PAMR1: variants seen among roughly 807,000 people sequenced by gnomAD.
The protein encoded by PAMR1 is inactive serine protease PAMR1.
In PAMR1, 88 loss-of-function variants were observed where a neutral mutation model predicts 81.8. The observed-to-expected ratio is 1.08, with a 90% CI of 0.91 to 1.28. The LOEUF is 1.28. Among genes scored for constraint, PAMR1 ranks in the 50% most tolerant of loss-of-function variants. The pLI is 0.00. For missense variants in PAMR1, 935 were observed against 919.7 expected (o/e 1.02, Z -0.21); for synonymous variants, 336 against 345.3 (o/e 0.97, Z 0.30).
upstream of PAMR1, among the ~76,000 whole-genome samples, chr11:35,527,972 CG>C (rs1851418199): frequency 6.6e-6 from 1 of 152,096 alleles, no homozygotes; most frequent in South Asian, 2.1e-4. Flanking sequence ...TCCCATGACA[CG>C]TGGGGTTTCT....
At chr11:35,443,623 G>A (rs1856228015) in intron 6 of PAMR1, among the ~76,000 whole-genome samples, 1 of 152,092 alleles carries the variant, frequency 6.6e-6, no homozygotes, top group Non-Finnish European at 1.5e-5. Flanking sequence ...ATGGTCATTT[G>A]GGTTAATTCC....
intron 3 of PAMR1, among the ~76,000 whole-genome samples, chr11:35,491,428 A>C (rs150482710): frequency 6.6e-6 from 1 of 152,338 alleles, no homozygotes; most frequent in East Asian, 1.9e-4. Context: ...CAATTTGTAC[A>C]TTGCTTGAGA....
chr11:35,490,132 T>C (rs1850590623), intron 3 of PAMR1, among the ~76,000 whole-genome samples: 1 of 152,166 alleles, frequency 6.6e-6, no homozygotes, highest in African/African-American at 2.4e-5. Context: ...GAACTCCTGT[T>C]TATAAAACCA....
At chr11:35,487,384 A>T (rs1295682484) in intron 3 of PAMR1, among the ~76,000 whole-genome samples, 2 of 152,060 alleles carry the variant, frequency 1.3e-5, no homozygotes, top group African/African-American at 4.8e-5. Context: ...CCCCTCTACC[A>T]GGCTCTTTCT....
intron 6 of PAMR1, among the ~76,000 whole-genome samples, chr11:35,448,270 C>T (rs1469751374): frequency 6.6e-6 from 1 of 152,170 alleles, no homozygotes; most frequent in Non-Finnish European, 1.5e-5. Flanking sequence ...CTGTCTCTTT[C>T]AGGTACCCCA....
At chr11:35,483,878 T>C (rs2135391814) in intron 3 of PAMR1, among the ~76,000 whole-genome samples, 1 of 152,314 alleles carries the variant, frequency 6.6e-6, no homozygotes, top group African/African-American at 2.4e-5. Flanking sequence ...CTTCAGCACA[T>C]AAAATATAAA....
intron 3 of PAMR1, among the ~76,000 whole-genome samples, chr11:35,482,572 A>G (rs1271028857): frequency 1.3e-5 from 2 of 152,194 alleles, no homozygotes; most frequent in Admixed American, 6.5e-5. Context: ...AATTCTGTGA[A>G]GAATGTCAAT....
chr11:35,522,217 T>A (rs756159672), intron 1 of PAMR1, among the ~76,000 whole-genome samples: 2 of 152,214 alleles, frequency 1.3e-5, no homozygotes, highest in Non-Finnish European at 2.9e-5. Flanking sequence ...CCACTGCGCC[T>A]GCCTCAAATC....
rs760583701 is a variant in PAMR1 at position 35,441,467 on chromosome 11, C to A, written c.1033+14G>T. Reference sequence around the variant, plus strand: ...CATCAATGTCCGTAGACTTCAGAAACAATTGTAAGTTACCTTTTATGCAGA... The same window carrying A: ...CATCAATGTCCGTAGACTTCAGAAAAAATTGTAAGTTACCTTTTATGCAGA... On this transcript the variant is annotated intron_variant, in intron 7 of 10. Transcript: ENST00000619888. 3 of 1,595,044 alleles carry A rather than the reference C, an allele frequency of 1.9e-6. No homozygotes were observed. The highest frequency in any genetic ancestry group is 1.7e-5 in the Admixed American group (1 of 59,836).
At chr11:35,445,505 A>G (rs1229088899) in intron 6 of PAMR1, among the ~76,000 whole-genome samples, 2 of 152,198 alleles carry the variant, frequency 1.3e-5, no homozygotes, top group Admixed American at 6.5e-5. Context: ...ATTTTGAGGT[A>G]TGTTCCTGCT....
At position 35,491,313 on chromosome 11, in the gene PAMR1, G is replaced by T. The variant is rs115860994; in HGVS notation, c.379+732C>A. Among the ~76,000 whole-genome samples the T allele has an allele frequency of 8.0e-3, 1,216 of 152,216 alleles. 10 individuals carry two copies. The highest frequency in any genetic ancestry group is 0.028 in the African/African-American group (1,152 of 41,528). ...CAACCACACTCCATCCTCCCTCTCT[G>T]TAAACTGGAAATATCATTCATAGGA... On this transcript the variant is annotated intron_variant, in intron 3 of 10. Transcript: ENST00000619888.
intron 1 of PAMR1, among the ~76,000 whole-genome samples, chr11:35,498,786 A>G (rs1293711475): frequency 6.6e-6 from 1 of 152,130 alleles, no homozygotes; most frequent in East Asian, 1.9e-4. Flanking sequence ...GCTTCTCCCA[A>G]GGCCTCCGTC....
intron 3 of PAMR1, among the ~76,000 whole-genome samples, chr11:35,487,442 C>A (rs1850532064): frequency 6.6e-6 from 1 of 152,128 alleles, no homozygotes; most frequent in South Asian, 2.1e-4. Flanking sequence ...CATGTCTCAG[C>A]TTATTCTTGG....
At chr11:35,503,836 T>C (rs1850900234) in intron 1 of PAMR1, among the ~76,000 whole-genome samples, 2 of 152,146 alleles carry the variant, frequency 1.3e-5, no homozygotes, top group Non-Finnish European at 2.9e-5. Flanking sequence ...GACTTCTTCC[T>C]TTCCACATTG....
intron 1 of PAMR1, among the ~76,000 whole-genome samples, chr11:35,499,413 T>A (rs753335534): frequency 2.1e-4 from 32 of 152,084 alleles, no homozygotes; most frequent in South Asian, 6.2e-4. Context: ...TCCTTCTAGG[T>A]TTTCTAATAA....
intron 1 of PAMR1, among the ~76,000 whole-genome samples, chr11:35,499,246 G>A (rs1311925594): frequency 6.6e-6 from 1 of 152,032 alleles, no homozygotes; most frequent in Non-Finnish European, 1.5e-5. Flanking sequence ...TCTAGACATG[G>A]GGGTCCAGGT....
Position 35,432,749 on chromosome 11 carries a change from G to A in PAMR1, c.1770C>T (p.Ser590=). The change falls in exon 11 of 11, where the codon TCC becomes TCT. Residue 590 remains serine, a synonymous_variant. Transcript: ENST00000619888. The stretch of plus-strand genomic sequence containing the variant: ...CCACAGTGATGTGGGACTCCTGGAA[G>A]GAAGTGCTGAGATCCCGACTGGCAG... The part of the protein sequence containing the change: ...CLAASRDLST[S]FQESHITVAG... 1 of 1,614,042 alleles carries A rather than the reference G, an allele frequency of 6.2e-7. No homozygotes were observed. The highest frequency in any genetic ancestry group is 8.5e-7 in the Non-Finnish European group (1 of 1,180,036).
Position 35,470,820 on chromosome 11 carries a change from T to C in PAMR1, c.495-2A>G. The C allele has an allele frequency of 2.5e-6, 4 of 1,611,670 alleles. No individual in the cohort carries two copies. Among genetic ancestry groups the C allele is most frequent in the Non-Finnish European group, 3.4e-6 (4 of 1,177,906 alleles). On this transcript the variant is annotated splice_acceptor_variant, in intron 4 of 10. Coordinates refer to ENST00000619888, the MANE Select transcript of PAMR1 (RefSeq NM_001001991.3). LOFTEE classifies it high-confidence loss of function. ...AACTCCAGGCTCAACATGACAAATCTGTGGGTGGACAGGGTGACGGAGGGA... is the reference window on the plus strand; with the variant it reads ...AACTCCAGGCTCAACATGACAAATCCGTGGGTGGACAGGGTGACGGAGGGA...
At chr11:35,439,805 C>G in intron 7 of PAMR1, 112 bp from the exon 8 acceptor site, 1 of 846,804 alleles carries the variant, frequency 1.2e-6, no homozygotes, top group South Asian at 1.4e-5. Flanking sequence ...GCCCATTCCC[C>G]AGGCTCTCAG....
Sources: allele counts gnomAD v4.1 joint callset (sites outside exome capture counted in the v4.1 genomes callset), GRCh38; gene constraint gnomAD v4.1.1; transcripts MANE v1.5; gene names NCBI Gene and HGNC (gene_info 2026-07-23, HGNC 2026-07-21).